Variants in SLC9B1 observed in about 807,000 individuals in gnomAD.
The protein encoded by SLC9B1 is solute carrier family 9 member B1.
SLC9B1 carries 32 observed loss-of-function variants against 51.7 expected under a neutral mutation model. The observed-to-expected ratio is 0.62, with a 90% CI of 0.47 to 0.83. SLC9B1 has a LOEUF of 0.83. Among genes scored for constraint, SLC9B1 ranks in the 40% least tolerant of loss-of-function variants. The pLI is 0.00. For missense variants in SLC9B1, 406 were observed against 613.2 expected, an observed-to-expected ratio of 0.66 and a Z score of 3.57; for synonymous variants, 145 against 212.7, an observed-to-expected ratio of 0.68 and a Z score of 2.77.
At chr4:103,019,560 A>T in intron 1 of SLC9B1, 39 bp downstream of exon 1, 1 of 984,834 alleles carries the variant, frequency 1.0e-6, no homozygotes. Flanking sequence ...CTAGCGCCAA[A>T]GGGCTTGGAA....
intron 3 of SLC9B1, among the ~76,000 whole-genome samples, chr4:102,961,108 G>T (rs1738093193): frequency 6.6e-6 from 1 of 151,958 alleles, no homozygotes; most frequent in African/African-American, 2.4e-5. Flanking sequence ...CAAATATGCT[G>T]TTTTGAATTT....
At chr4:102,994,709 G>T (rs1740127050) in intron 1 of SLC9B1, among the ~76,000 whole-genome samples, 1 of 152,154 alleles carries the variant, frequency 6.6e-6, no homozygotes, top group Admixed American at 6.6e-5. Context: ...GAGGCCTCAG[G>T]AAACTTACAA....
At chr4:102,920,817 G>T (rs1294471328) in intron 7 of SLC9B1, among the ~76,000 whole-genome samples, 1 of 152,174 alleles carries the variant, frequency 6.6e-6, no homozygotes, top group African/African-American at 2.4e-5. Context: ...ATCAGTGATT[G>T]AAGATCAAAT....
At chr4:103,010,536 G>A (rs1217321714) in intron 1 of SLC9B1, among the ~76,000 whole-genome samples, 12 of 152,130 alleles carry the variant, frequency 7.9e-5, no homozygotes, top group Non-Finnish European at 1.6e-4. Flanking sequence ...TCAAGATTGG[G>A]TAATTTATAA....
chr4:102,921,432 A>C (rs1284150197), intron 7 of SLC9B1, among the ~76,000 whole-genome samples: 1 of 152,190 alleles, frequency 6.6e-6, no homozygotes, highest in Non-Finnish European at 1.5e-5. Context: ...GGAAAGAAAC[A>C]CCCGGTACCA....
intron 2 of SLC9B1, among the ~76,000 whole-genome samples, chr4:102,991,160 T>C (rs1040466723): frequency 2.6e-5 from 4 of 152,070 alleles, no homozygotes; most frequent in African/African-American, 9.6e-5. Context: ...TTAAGAACTG[T>C]AGAAATCTCT....
At chr4:103,017,180 G>T (rs1316656600) in intron 1 of SLC9B1, among the ~76,000 whole-genome samples, 1 of 151,994 alleles carries the variant, frequency 6.6e-6, no homozygotes, top group Non-Finnish European at 1.5e-5. Flanking sequence ...AAAATCTGTA[G>T]GCTCTGCCCC....
chr4:102,899,323 ATC>A (rs1336068419), downstream of SLC9B1, among the ~76,000 whole-genome samples: 10 of 150,790 alleles, frequency 6.6e-5, no homozygotes, highest in Admixed American at 1.3e-4. Flanking sequence ...AAAATTATTT[ATC>A]TCTCTTTTAT....
At chr4:102,943,166 TA>T (rs139951941) in intron 6 of SLC9B1, among the ~76,000 whole-genome samples, 76 of 144,236 alleles carry the variant, frequency 5.3e-4, no homozygotes, top group East Asian at 1.4e-3. Flanking sequence ...ATCAAAAAAA[TA>T]AAAAAAAAAA....
intron 7 of SLC9B1, among the ~76,000 whole-genome samples, chr4:102,912,510 C>T (rs1417709404): frequency 5.3e-5 from 8 of 151,914 alleles, no homozygotes; most frequent in Middle Eastern, 3.2e-3. Flanking sequence ...CAAAATGAGT[C>T]ACAAAAATAG....
At chr4:103,006,106 C>A (rs886483298) in intron 1 of SLC9B1, among the ~76,000 whole-genome samples, 1 of 151,890 alleles carries the variant, frequency 6.6e-6, no homozygotes, top group Non-Finnish European at 1.5e-5. Flanking sequence ...TACACCTGAA[C>A]TGAATGAAAT....
rs1734496112 is a variant in SLC9B1 at position 102,895,558 on chromosome 4, CA to C, written c.1332+9955del. On this transcript the variant is annotated intron_variant, in intron 11 of 11. Transcript: ENST00000394789. ...AAAAGGAAAGAAAACTACCAAATTC[CA>C]TGTATGATACCCCATTTTAAAATTA... 7.9e-5 allele frequency among the ~76,000 whole-genome samples: 12 copies of C among 152,138 alleles called. No individual in the cohort carries two copies. The South Asian group carries it at 2.5e-3, about 32-fold the overall frequency.
chr4:102,932,554 G>A (rs1306145520), intron 6 of SLC9B1, among the ~76,000 whole-genome samples: 2 of 152,144 alleles, frequency 1.3e-5, no homozygotes, highest in Non-Finnish European at 2.9e-5. Context: ...CCTTTGAAGT[G>A]AAGATGTAAA....
At chr4:102,942,108 A>G (rs1350915718) in intron 6 of SLC9B1, among the ~76,000 whole-genome samples, 1 of 152,118 alleles carries the variant, frequency 6.6e-6, no homozygotes, top group African/African-American at 2.4e-5. Context: ...AAAACCAAAG[A>G]AAAAACCCCA....
At chr4:102,982,080 A>G (rs957751721) in intron 3 of SLC9B1, among the ~76,000 whole-genome samples, 1 of 152,042 alleles carries the variant, frequency 6.6e-6, no homozygotes, top group African/African-American at 2.4e-5. Flanking sequence ...GGAAAGTTTT[A>G]AGGTCTATGT....
In SLC9B1 at chr4:102,886,290, C is replaced by T. The variant is rs1733910161; in HGVS notation, c.1333-962G>A. On this transcript the variant is annotated intron_variant, in intron 11 of 11. Coordinates refer to the SLC9B1 transcript ENST00000394789. Reference sequence around the variant, plus strand: ...GATCACCAGGTCAGGGGTTCAAGAACAGCCTGACCAACATGGTGAAACCCC... The same window carrying T: ...GATCACCAGGTCAGGGGTTCAAGAATAGCCTGACCAACATGGTGAAACCCC... 2.6e-5 allele frequency among the ~76,000 whole-genome samples: 4 copies of T among 151,976 alleles called. No homozygotes were observed. The South Asian group carries it at 8.3e-4, about 32-fold the overall frequency.
intron 3 of SLC9B1, among the ~76,000 whole-genome samples, chr4:102,975,809 C>G (rs1190936485): frequency 6.6e-6 from 1 of 151,558 alleles, no homozygotes; most frequent in African/African-American, 2.4e-5. Flanking sequence ...CTCAGGTGAT[C>G]TGCCCGCCTC....
intron 7 of SLC9B1, among the ~76,000 whole-genome samples, chr4:102,925,661 T>G (rs1052071471): frequency 2.2e-5 from 3 of 138,500 alleles, no homozygotes; most frequent in African/African-American, 8.5e-5. Context: ...ATATCAACAT[T>G]GAAAACATCA....
intron 6 of SLC9B1, among the ~76,000 whole-genome samples, chr4:102,944,862 T>C (rs1294952025): frequency 6.6e-6 from 1 of 152,144 alleles, no homozygotes. Context: ...TACATATATA[T>C]GAAATGTGCA....
Sources: allele counts gnomAD v4.1 joint callset (sites outside exome capture counted in the v4.1 genomes callset), GRCh38; gene constraint gnomAD v4.1.1; transcripts MANE v1.5; gene names NCBI Gene and HGNC (gene_info 2026-07-23, HGNC 2026-07-21).